The following STAB2 variants were observed in gnomAD, a reference collection of about 807,000 sequenced individuals.
STAB2 encodes the protein stabilin 2, also known as stabilin-2.
In STAB2, 288 loss-of-function variants were observed where a neutral mutation model predicts 338.1. The observed-to-expected ratio is 0.85, with a 90% CI of 0.77 to 0.94. The LOEUF (loss-of-function observed/expected upper bound fraction) is 0.94, where lower values mean the gene tolerates loss of function less well. Among genes scored for constraint, STAB2 ranks in the 40% least tolerant of loss-of-function variants. The pLI, the probability that STAB2 is intolerant of heterozygous loss-of-function variation, is 0.00. For missense variants in STAB2, 3,141 were observed against 3,210.1 expected, an observed-to-expected ratio of 0.98 and a Z score of 0.52; for synonymous variants, 1,202 against 1,193.3, an observed-to-expected ratio of 1.01 and a Z score of -0.15.
At chr12:103,616,187 A>G (rs1957208026) in intron 3 of STAB2, among the ~76,000 whole-genome samples, 1 of 152,202 alleles carries the variant, frequency 6.6e-6, no homozygotes, top group Admixed American at 6.5e-5. Context: ...TGGATTGGGG[A>G]AGCTCTCCAA....
Position 103,726,105 on chromosome 12 carries a change from T to C in STAB2, c.4804-11T>C. On this transcript the variant is annotated splice_polypyrimidine_tract_variant and intron_variant, in intron 45 of 68. Coordinates refer to ENST00000388887, the MANE Select transcript of STAB2 (RefSeq NM_017564.10). ...TCACAGGCATTAAGTGAAACTACTC[T>C]TTGTTTGCAGGAGCTTCCCAAGAAC... 1 of 1,613,916 alleles carries C rather than the reference T, an allele frequency of 6.2e-7. No homozygotes were observed. The highest frequency in any genetic ancestry group is 8.5e-7 in the Non-Finnish European group (1 of 1,179,822).
rs1350649643 is a variant in STAB2, at chr12:103,715,828, T to C, written c.4551T>C (p.Cys1517=). ...DGIVCLEINP[C]LENHGGCDKN... is the part of the protein sequence containing the mutation. ...TTTGTTTTAAAGAAATCAACCCGTGTTTGGAGAACCATGGTGGCTGTGACA... is the reference window on the plus strand; with the variant it reads ...TTTGTTTTAAAGAAATCAACCCGTGCTTGGAGAACCATGGTGGCTGTGACA... Residue 1517 remains cysteine, a synonymous_variant, in exon 43 of 69, where the codon TGT becomes TGC. Transcript: ENST00000388887. 1.2e-6 allele frequency: 2 copies of C among 1,614,106 alleles called. No individual in the cohort carries two copies. Among genetic ancestry groups the C allele is most frequent in the Admixed American group, 3.3e-5 (2 of 60,014 alleles).
At position 103,755,308 on chromosome 12, in the gene STAB2, TAC is replaced by T. The variant is rs1247608654; in HGVS notation, c.6722_6723del (p.Tyr2241SerfsTer37). The T allele has an allele frequency of 2.5e-6, 4 of 1,613,888 alleles. No individual in the cohort carries two copies. The highest frequency in any genetic ancestry group is 3.3e-5 in the Admixed American group (2 of 60,000). ...NQLSYAQKAK[Y>X]HLCSAGWLET... Reference sequence around the variant, plus strand: ...CCTGTCTGTATCCCTGCAGGCCAAGTACCACCTGTGCTCAGCAGGCTGGCTGG... The same window carrying T: ...CCTGTCTGTATCCCTGCAGGCCAAGTCACCTGTGCTCAGCAGGCTGGCTGG... On this transcript the variant is annotated frameshift_variant, in exon 62 of 69. Coordinates refer to ENST00000388887, the MANE Select transcript of STAB2 (RefSeq NM_017564.10). LOFTEE classifies it high-confidence loss of function.
Position 103,654,682 on chromosome 12 carries a change from T to C in STAB2, c.1535T>C (p.Phe512Ser). 3 of 1,613,922 alleles carry C rather than the reference T, an allele frequency of 1.9e-6. No individual in the cohort carries two copies. The highest frequency in any genetic ancestry group is 2.2e-5 in the South Asian group (2 of 90,990). The change falls in exon 13 of 69, where the codon TTT (phenylalanine) becomes TCT (serine). Residue 512 changes from phenylalanine (F) to serine (S), a missense_variant. Physicochemically the swap from Phe to Ser is radical, Grantham distance 155. Transcript: ENST00000388887. ...DRAMDKLEPTFESNNEQTIMT... is the reference protein window; with the variant it reads ...DRAMDKLEPTSESNNEQTIMT... ...GCCATGGACAAGTTAGAACCCACAT[T>C]TGAGAGCAACAATGAGGTGAGTATT...
intron 60 of STAB2, among the ~76,000 whole-genome samples, chr12:103,752,202 A>G (rs1883725151): frequency 6.6e-6 from 1 of 152,250 alleles, no homozygotes; most frequent in South Asian, 2.1e-4. Flanking sequence ...TATATCTAAT[A>G]GTAAATGATG....
At chr12:103,660,255 A>G (rs982008820) in intron 15 of STAB2, 76 bp from the exon 16 acceptor site, 21 of 1,458,856 alleles carry the variant, frequency 1.4e-5, no homozygotes, top group African/African-American at 2.8e-5. Context: ...GTCTAACGTC[A>G]TTTGAAGAGG....
intron 28 of STAB2, among the ~76,000 whole-genome samples, chr12:103,688,664 T>C (rs912425126): frequency 1.3e-5 from 2 of 152,204 alleles, no homozygotes; most frequent in Admixed American, 6.5e-5. Context: ...AATAGACACA[T>C]GCCAAATAGT....
intron 41 of STAB2, among the ~76,000 whole-genome samples, chr12:103,713,117 A>G (rs1880015295): frequency 6.6e-6 from 1 of 152,232 alleles, no homozygotes; most frequent in Admixed American, 6.5e-5. Context: ...TTTATCTGCA[A>G]CTTGGGGATA....
intron 2 of STAB2, among the ~76,000 whole-genome samples, chr12:103,592,796 T>A (rs572133220): frequency 2.0e-5 from 3 of 152,316 alleles, no homozygotes; most frequent in African/African-American, 7.2e-5. Context: ...AATGTTTTCA[T>A]CTTTCATAAC....
At chr12:103,655,696 C>G in intron 15 of STAB2, 115 bp downstream of exon 15, 7 of 1,299,016 alleles carry the variant, frequency 5.4e-6, no homozygotes, top group Non-Finnish European at 6.2e-6. Context: ...GTATCACCAC[C>G]TACCCTCCAA....
At chr12:103,606,369 C>A (rs557227005) in intron 3 of STAB2, among the ~76,000 whole-genome samples, 1 of 152,124 alleles carries the variant, frequency 6.6e-6, no homozygotes, top group Non-Finnish European at 1.5e-5. Flanking sequence ...AAACAATGAA[C>A]CATACTTTAA....
chr12:103,637,344 C>T (rs769715146), intron 7 of STAB2, 108 bp downstream of exon 7: 119 of 1,437,816 alleles, frequency 8.3e-5, no homozygotes, highest in Non-Finnish European at 1.1e-4. Context: ...TTCTATTTCT[C>T]GCTGTGTAGT....
chr12:103,619,922 C>T (rs1565965295), intron 3 of STAB2, among the ~76,000 whole-genome samples: 1 of 152,160 alleles, frequency 6.6e-6, no homozygotes, highest in Non-Finnish European at 1.5e-5. Context: ...ATTCCTACTG[C>T]ACCTTCAAAA....
chr12:103,669,021 T>G (rs1345162345), intron 20 of STAB2, among the ~76,000 whole-genome samples: 1 of 152,104 alleles, frequency 6.6e-6, no homozygotes, highest in Non-Finnish European at 1.5e-5. Flanking sequence ...CATTCCTACC[T>G]CAGAGCATGC....
At chr12:103,746,344 C>T (rs1883031014) in intron 57 of STAB2, 1 of 339,462 alleles carries the variant, frequency 2.9e-6, no homozygotes, top group African/African-American at 2.1e-5. Flanking sequence ...AATTGATAGC[C>T]CCTAAAGAAC....
chr12:103,722,354 G>A (rs758397883), intron 44 of STAB2, among the ~76,000 whole-genome samples: 24 of 152,224 alleles, frequency 1.6e-4, no homozygotes, highest in Admixed American at 9.8e-4. Context: ...AGGATGTTGA[G>A]ATGTCACCTA....
chr12:103,708,520 A>C lies in STAB2; in HGVS notation c.4272A>C (p.Gly1424=), dbSNP rs2138989980. 4 of 1,613,928 alleles carry C rather than the reference A, an allele frequency of 2.5e-6. No individual in the cohort carries two copies. Among genetic ancestry groups the C allele is most frequent in the East Asian group, 2.2e-5 (1 of 44,898 alleles). ...GSCDCDVGWR[G]VHCDNATTED... ...GTGACTGTGATGTTGGCTGGCGAGG[A>C]GTGCATTGTGACAATGGTAAGAGTG... Residue 1424 remains glycine (G), a synonymous_variant, in exon 39 of 69, where the codon GGA becomes GGC. Coordinates refer to ENST00000388887, the MANE Select transcript of STAB2 (RefSeq NM_017564.10).
In STAB2 at chr12:103,685,586, G is replaced by T. The variant is rs140067502; in HGVS notation, c.2997+502G>T. ...CTCAACAACCTTCTGCTACTATTAT[G>T]CCCATTTTACAGGCAGGTAAACTGA... is the stretch of plus-strand genomic sequence containing the variant. On this transcript the variant is annotated intron_variant, in intron 27 of 68. Coordinates refer to ENST00000388887, the MANE Select transcript of STAB2 (RefSeq NM_017564.10). Among the ~76,000 whole-genome samples, 629 of 152,254 alleles carry T rather than the reference G, an allele frequency of 4.1e-3. 4 individuals carry two copies. Among genetic ancestry groups the T allele is most frequent in the African/African-American group, 0.015 (603 of 41,546 alleles).
chr12:103,605,158 CCTG>C (rs538534706), intron 3 of STAB2, among the ~76,000 whole-genome samples: 20 of 151,780 alleles, frequency 1.3e-4, no homozygotes, highest in African/African-American at 2.4e-4. Context: ...CACATATATT[CCTG>C]CTATTGTTTC....
Sources: gnomAD v4.1 joint callset for allele counts (sites outside exome capture counted in the v4.1 genomes callset) on GRCh38, gnomAD v4.1.1 for gene constraint, MANE v1.5 for transcripts, NCBI Gene and HGNC (gene_info 2026-07-23, HGNC 2026-07-21) for gene names.